ERBIN: variants seen among roughly 807,000 people sequenced by gnomAD.
ERBIN encodes erbb2 interacting protein, also known as densin-180-like protein.
In ERBIN, 60 loss-of-function variants were observed where a neutral mutation model predicts 158.4. The observed-to-expected ratio is 0.38, with a 90% confidence interval of 0.31 to 0.47. The LOEUF (loss-of-function observed/expected upper bound fraction) is 0.47. Ranked by LOEUF, ERBIN falls within the 20% of genes least tolerant of loss-of-function variation. The pLI is 0.99. For missense variants in ERBIN, 1,610 were observed against 1,648.0 expected, an observed-to-expected ratio of 0.98 and a Z score of 0.40; for synonymous variants, 594 against 557.2, an observed-to-expected ratio of 1.07 and a Z score of -0.93.
At chr5:66,024,488 A>G in intron 10 of ERBIN, 38 bp downstream of exon 10, 1 of 1,553,342 alleles carries the variant, frequency 6.4e-7, no homozygotes, top group Non-Finnish European at 8.7e-7. Flanking sequence ...TTTTTATTAA[A>G]ATAAATTCGA....
intron 1 of ERBIN, among the ~76,000 whole-genome samples, chr5:65,950,316 C>CT (rs1420502176): frequency 6.6e-6 from 1 of 152,186 alleles, no homozygotes; most frequent in African/African-American, 2.4e-5. Context: ...TTCCTCCAAT[C>CT]TGACAATTTC....
intron 1 of ERBIN, among the ~76,000 whole-genome samples, chr5:65,964,624 T>C (rs1748320269): frequency 6.6e-6 from 1 of 152,150 alleles, no homozygotes; most frequent in Non-Finnish European, 1.5e-5. Flanking sequence ...ATAATAATGA[T>C]AGCCAACATT....
intron 1 of ERBIN, among the ~76,000 whole-genome samples, chr5:65,958,688 A>AT (rs927065735): frequency 1.1e-4 from 16 of 151,844 alleles, no homozygotes; most frequent in East Asian, 1.9e-4. Context: ...GAAATGTAGG[A>AT]TTTTTTTACT....
chr5:65,945,928 T>C (rs1745687109), intron 1 of ERBIN, among the ~76,000 whole-genome samples: 1 of 152,216 alleles, frequency 6.6e-6, no homozygotes, highest in African/African-American at 2.4e-5. Flanking sequence ...TATTGGAATT[T>C]TGGTAGTCAA....
intron 1 of ERBIN, among the ~76,000 whole-genome samples, chr5:65,976,487 G>C (rs192100461): frequency 6.6e-6 from 1 of 151,504 alleles, no homozygotes; most frequent in Admixed American, 6.6e-5. Flanking sequence ...AAAAAAGAAA[G>C]ATTATATGAG....
In ERBIN at chr5:66,051,659, C is replaced by T. The variant is rs187986498; in HGVS notation, c.2087+693C>T. Among the ~76,000 whole-genome samples, 107 of 152,096 alleles carry T rather than the reference C, an allele frequency of 7.0e-4. 1 individual carries two copies. The highest frequency in any genetic ancestry group is 2.0e-3 in the African/African-American group (85 of 41,484). On this transcript the variant is annotated intron_variant, in intron 20 of 25. Coordinates refer to ENST00000284037, the MANE Select transcript of ERBIN (RefSeq NM_001253697.2). The stretch of plus-strand genomic sequence containing the variant: ...GTAATCCCAGCACTTCAGGAGGCTG[C>T]GGCAGGTGGATGGCTTGAGCCCAGG...
intron 1 of ERBIN, among the ~76,000 whole-genome samples, chr5:65,955,988 C>T (rs1159013554): frequency 1.3e-5 from 2 of 152,294 alleles, no homozygotes; most frequent in Non-Finnish European, 2.9e-5. Context: ...TAGTAGCTGT[C>T]TCAGTTATTA....
chr5:66,025,815 C>T (rs1443500492), intron 11 of ERBIN, 33 bp from the exon 12 acceptor site: 12 of 1,311,136 alleles, frequency 9.2e-6, no homozygotes, highest in South Asian at 1.7e-5. Flanking sequence ...AAATCTTTAA[C>T]AAATAATATA....
chr5:66,042,975 C>G (rs1214028298), intron 15 of ERBIN, 102 bp from the exon 16 acceptor site: 1 of 865,094 alleles, frequency 1.2e-6, no homozygotes, highest in Non-Finnish European at 1.8e-6. Context: ...CTATTTTAGA[C>G]TTATTGTAGT....
intron 1 of ERBIN, among the ~76,000 whole-genome samples, chr5:65,939,394 G>A (rs547531401): frequency 2.1e-4 from 32 of 152,200 alleles, no homozygotes; most frequent in African/African-American, 7.5e-4. Context: ...CCGAGGTTGC[G>A]CCACTGCATT....
At chr5:66,013,903 G>A (rs528690378) in intron 6 of ERBIN, among the ~76,000 whole-genome samples, 70 of 152,226 alleles carry the variant, frequency 4.6e-4, no homozygotes, top group African/African-American at 1.5e-3. Flanking sequence ...CTGTATGCTT[G>A]AGATACTGAA....
chr5:65,989,821 G>A (rs1437961801), intron 2 of ERBIN, among the ~76,000 whole-genome samples: 1 of 152,088 alleles, frequency 6.6e-6, no homozygotes, highest in African/African-American at 2.4e-5. Flanking sequence ...CTACCATACT[G>A]GACATAGCAG....
At chr5:66,045,469 T>C (rs1038641609) in intron 17 of ERBIN, among the ~76,000 whole-genome samples, 1 of 143,940 alleles carries the variant, frequency 6.9e-6, no homozygotes, top group Non-Finnish European at 1.5e-5. Flanking sequence ...ATAGTGTATG[T>C]ATATGTAATA....
At chr5:65,943,300 C>G (rs1312725854) in intron 1 of ERBIN, among the ~76,000 whole-genome samples, 2 of 152,154 alleles carry the variant, frequency 1.3e-5, no homozygotes, top group Non-Finnish European at 2.9e-5. Context: ...CTTGCATTAC[C>G]TAAGATCAGA....
At chr5:65,938,544 G>A (rs1384786331) in intron 1 of ERBIN, among the ~76,000 whole-genome samples, 1 of 150,214 alleles carries the variant, frequency 6.7e-6, no homozygotes, top group Admixed American at 6.6e-5. Context: ...CCCAGGCTAG[G>A]GCTGATTCTG....
rs1414453673 is a variant in ERBIN at position 66,079,763 on chromosome 5, CCA to C, written c.*1234_*1235del. 6.6e-6 allele frequency: 1 copy of C among 152,530 alleles called. No individual in the cohort carries two copies. The highest frequency in any genetic ancestry group is 1.5e-5 in the Non-Finnish European group (1 of 67,982). 9.4% of individuals were successfully genotyped at this position (152,530 alleles called of 1,614,324 possible). On this transcript the variant is annotated 3_prime_UTR_variant, in exon 26 of 26. Transcript: ENST00000284037. ...AACATTAAATGTGAACTCAACACTT[CCA>C]GAGTCTTTAAAGGGTTTCTATGTGT...
intron 1 of ERBIN, among the ~76,000 whole-genome samples, chr5:65,976,511 T>C (rs886090594): frequency 1.3e-5 from 2 of 149,534 alleles, no homozygotes; most frequent in East Asian, 1.9e-4. Context: ...GCTATTTCTT[T>C]TCTTTTTTCT....
chr5:66,044,722 A>G (rs1758246598), intron 17 of ERBIN, among the ~76,000 whole-genome samples: 1 of 151,636 alleles, frequency 6.6e-6, no homozygotes, highest in Admixed American at 6.6e-5. Context: ...CCGAGATCGT[A>G]CCACTGTGCT....
intron 19 of ERBIN, among the ~76,000 whole-genome samples, chr5:66,049,569 C>T (rs1019030808): frequency 6.6e-6 from 1 of 152,070 alleles, no homozygotes; most frequent in African/African-American, 2.4e-5. Flanking sequence ...AAGAACTTAA[C>T]AACCATCTAT....
Sources: gnomAD v4.1 joint callset for allele counts (sites outside exome capture counted in the v4.1 genomes callset) on GRCh38, gnomAD v4.1.1 for gene constraint, MANE v1.5 for transcripts, NCBI Gene and HGNC (gene_info 2026-07-23, HGNC 2026-07-21) for gene names.